The following FRMD3 variants were observed in gnomAD, a reference collection of about 807,000 sequenced individuals.
FRMD3 encodes FERM domain containing 3, also known as FERM domain-containing protein 3.
FRMD3 carries 33 observed loss-of-function variants against 70.2 expected under a neutral mutation model. The ratio of observed to expected loss-of-function variants is 0.47; its 90% CI spans 0.36 to 0.63. The LOEUF is 0.63. Ranked by LOEUF, FRMD3 falls within the 20% of genes least tolerant of loss-of-function variation. The pLI, the probability that FRMD3 is intolerant of heterozygous loss-of-function variation, is 0.00. For missense variants in FRMD3, 632 were observed against 711.4 expected (o/e 0.89, Z 1.27); for synonymous variants, 279 against 255.9 (o/e 1.09, Z -0.86).
chr9:83,379,413 G>A (rs1205758261), intron 2 of FRMD3, among the ~76,000 whole-genome samples: 3 of 152,058 alleles, frequency 2.0e-5, no homozygotes, highest in Non-Finnish European at 4.4e-5. Flanking sequence ...TTTCCTTACT[G>A]GAAACTGAGT....
At chr9:83,285,714 G>A (rs923091761) in intron 13 of FRMD3, among the ~76,000 whole-genome samples, 2 of 152,094 alleles carry the variant, frequency 1.3e-5, no homozygotes, top group African/African-American at 2.4e-5. Context: ...ACAGAAGCAC[G>A]GTGCTATCTC....
In FRMD3 at chr9:83,467,856, A is replaced by T. The variant is rs866255106; in HGVS notation, c.147+70229T>A. The T allele has an allele frequency of 8.4e-5, 110 of 1,310,254 alleles. No homozygotes were observed. In the African/African-American group the frequency reaches 8.7e-4, roughly 10 times the overall value. The allele number at this position is 1,310,254 out of a possible 1,614,324, so 81.2% of individuals were successfully genotyped here. On this transcript the variant is annotated intron_variant, in intron 1 of 13. Coordinates refer to ENST00000304195, the MANE Select transcript of FRMD3 (RefSeq NM_174938.6). The stretch of plus-strand genomic sequence containing the variant: ...ACAGTAAATAGGTTGATGGTTTTTT[A>T]AAAAAGTTACAAACATGAGATGCTT...
At chr9:83,423,494 T>G (rs1826702527) in intron 1 of FRMD3, among the ~76,000 whole-genome samples, 1 of 151,808 alleles carries the variant, frequency 6.6e-6, no homozygotes, top group Admixed American at 6.6e-5. Flanking sequence ...GAGTCTCATA[T>G]GGTGCTGCCC....
At chr9:83,385,811 T>C (rs72745016) in intron 2 of FRMD3, among the ~76,000 whole-genome samples, 1 of 151,846 alleles carries the variant, frequency 6.6e-6, no homozygotes, top group Non-Finnish European at 1.5e-5. Context: ...TTTATGTCTT[T>C]GAGTCCATTT....
At chr9:83,561,928 T>G in the FRMD3 span, among the ~76,000 whole-genome samples, 4 of 152,234 alleles carry the variant, frequency 2.6e-5, no homozygotes, top group African/African-American at 9.7e-5. Flanking sequence ...TCACTGTGTA[T>G]GTGTCCATAC....
chr9:83,575,556 A>G, the FRMD3 span, among the ~76,000 whole-genome samples: 1 of 152,146 alleles, frequency 6.6e-6, no homozygotes, highest in South Asian at 2.1e-4. Context: ...TCCCACTATA[A>G]ACTATGGAGA....
At chr9:83,318,473 T>C (rs1835666343) in intron 6 of FRMD3, among the ~76,000 whole-genome samples, 3 of 148,852 alleles carry the variant, frequency 2.0e-5, no homozygotes, top group Non-Finnish European at 4.5e-5. Flanking sequence ...ATATATATTA[T>C]ATATAATATG....
intron 2 of FRMD3, among the ~76,000 whole-genome samples, chr9:83,383,695 C>CT (rs1408839163): frequency 6.6e-6 from 1 of 152,178 alleles, no homozygotes; most frequent in East Asian, 1.9e-4. Context: ...AACTTCTTAC[C>CT]TTGGATAGCT....
intron 1 of FRMD3, among the ~76,000 whole-genome samples, chr9:83,477,144 A>G (rs1435404604): frequency 6.6e-6 from 1 of 152,200 alleles, no homozygotes; most frequent in Non-Finnish European, 1.5e-5. Context: ...AGAAATGCCA[A>G]TTATCAGGCT....
chr9:83,506,123 A>T (rs1829176929), intron 1 of FRMD3, among the ~76,000 whole-genome samples: 2 of 152,292 alleles, frequency 1.3e-5, no homozygotes, highest in Non-Finnish European at 2.9e-5. Flanking sequence ...TTGTTCTCAC[A>T]CATTTGCAGT....
At chr9:83,324,406 C>T (rs1587725417) in intron 6 of FRMD3, among the ~76,000 whole-genome samples, 1 of 152,134 alleles carries the variant, frequency 6.6e-6, no homozygotes, top group East Asian at 1.9e-4. Flanking sequence ...GTGATGTTCT[C>T]ATTCACAAGC....
chr9:83,264,399 A>T (rs926213024), intron 13 of FRMD3, among the ~76,000 whole-genome samples: 2 of 152,190 alleles, frequency 1.3e-5, no homozygotes, highest in African/African-American at 4.8e-5. Context: ...GCCATTAAAC[A>T]TTTGTCCAAA....
At chr9:83,406,693 C>A (rs1826114736) in intron 1 of FRMD3, among the ~76,000 whole-genome samples, 1 of 152,210 alleles carries the variant, frequency 6.6e-6, no homozygotes, top group African/African-American at 2.4e-5. Context: ...TGCCATTGGG[C>A]AATTGACATG....
intron 13 of FRMD3, among the ~76,000 whole-genome samples, chr9:83,279,896 C>T (rs1833916971): frequency 6.6e-6 from 1 of 152,064 alleles, no homozygotes; most frequent in African/African-American, 2.4e-5. Flanking sequence ...CAGCAAACCA[C>T]CATGGCACAC....
At chr9:83,447,593 C>T (rs1033593953) in intron 1 of FRMD3, among the ~76,000 whole-genome samples, 4 of 152,108 alleles carry the variant, frequency 2.6e-5, no homozygotes, top group African/African-American at 7.2e-5. Context: ...GAATTGGCAG[C>T]GACCCGGCCA....
intron 3 of FRMD3, among the ~76,000 whole-genome samples, chr9:83,351,923 G>T (rs911152531): frequency 6.6e-6 from 1 of 152,168 alleles, no homozygotes; most frequent in East Asian, 1.9e-4. Context: ...TATGTGGAGA[G>T]ATTTTTAATT....
At chr9:83,303,245 A>G (rs1314995277) in intron 10 of FRMD3, among the ~76,000 whole-genome samples, 2 of 152,178 alleles carry the variant, frequency 1.3e-5, no homozygotes, top group Non-Finnish European at 2.9e-5. Context: ...CACCTTTAAT[A>G]TACAATTCAT....
intron 8 of FRMD3, among the ~76,000 whole-genome samples, chr9:83,311,287 G>GAA (rs35801668): frequency 1.6e-4 from 19 of 121,562 alleles, no homozygotes; most frequent in African/African-American, 2.0e-4. Flanking sequence ...GAATGGCAGA[G>GAA]AAAAAAAAAA....
chr9:83,392,255 C>A (rs1265438180), intron 1 of FRMD3, among the ~76,000 whole-genome samples: 1 of 152,102 alleles, frequency 6.6e-6, no homozygotes, highest in African/African-American at 2.4e-5. Flanking sequence ...ACCCTGAGAC[C>A]CTCCATGTCT....
Sources: gnomAD v4.1 joint callset for allele counts (sites outside exome capture counted in the v4.1 genomes callset) on GRCh38, gnomAD v4.1.1 for gene constraint, MANE v1.5 for transcripts, NCBI Gene and HGNC (gene_info 2026-07-23, HGNC 2026-07-21) for gene names.